ADGRV1: variants seen among roughly 807,000 people sequenced by gnomAD.
ADGRV1 encodes G-protein coupled receptor 98.
In ADGRV1, 359 loss-of-function variants were observed where a neutral mutation model predicts 596.2. That is an observed-to-expected ratio of 0.60 (90% CI 0.55 to 0.66). The LOEUF (loss-of-function observed/expected upper bound fraction) is 0.66. ADGRV1 is among the 30% of genes least tolerant of loss of function. ADGRV1 has a pLI of 0.00. For missense variants in ADGRV1, 7,274 were observed against 7,575.6 expected, an observed-to-expected ratio of 0.96 and a Z score of 1.48; for synonymous variants, 2,681 against 2,679.2, an observed-to-expected ratio of 1.00 and a Z score of -0.02.
chr5:90,948,713 A>C (rs1289605554), intron 83 of ADGRV1, among the ~76,000 whole-genome samples: 1 of 152,152 alleles, frequency 6.6e-6, no homozygotes, highest in East Asian at 1.9e-4. Context: ...TGACACTTAC[A>C]TTAGCCTACA....
At chr5:91,067,960 A>T (rs1225756562) in intron 85 of ADGRV1, among the ~76,000 whole-genome samples, 2 of 152,172 alleles carry the variant, frequency 1.3e-5, no homozygotes, top group Non-Finnish European at 2.9e-5. Context: ...TGTGCCCTTC[A>T]TGTGGAAGAA....
At chr5:90,950,702 T>G (rs751158240) in intron 83 of ADGRV1, among the ~76,000 whole-genome samples, 1 of 152,164 alleles carries the variant, frequency 6.6e-6, no homozygotes, top group Admixed American at 6.5e-5. Flanking sequence ...GAGTCAAAAT[T>G]TTGAGTAACT....
rs563685649 is a variant in ADGRV1 at position 90,750,185 on chromosome 5, A to G, written c.10975-366A>G. Among the ~76,000 whole-genome samples, 3 of 152,336 alleles carry G rather than the reference A, an allele frequency of 2.0e-5. No individual in the cohort carries two copies. In the South Asian group the frequency reaches 6.2e-4, roughly 32 times the overall value. On this transcript the variant is annotated intron_variant, in intron 52 of 89. Coordinates refer to ENST00000405460, the MANE Select transcript of ADGRV1 (RefSeq NM_032119.4). Reference sequence around the variant, plus strand: ...AAGGCTTCCCTACTCTCCTGACTCTATATCCGTTCTCTTCTACAAACTTTT... The same window carrying G: ...AAGGCTTCCCTACTCTCCTGACTCTGTATCCGTTCTCTTCTACAAACTTTT...
intron 53 of ADGRV1, among the ~76,000 whole-genome samples, chr5:90,751,705 A>C (rs1195350426): frequency 6.6e-6 from 1 of 152,168 alleles, no homozygotes; most frequent in African/African-American, 2.4e-5. Context: ...AGTTCTTTTA[A>C]AGGAACTCTC....
intron 1 of ADGRV1, among the ~76,000 whole-genome samples, chr5:90,559,696 T>C (rs1754562934): frequency 6.6e-6 from 1 of 152,140 alleles, no homozygotes; most frequent in Non-Finnish European, 1.5e-5. Flanking sequence ...TACACTCTTT[T>C]AGAAACTGAT....
intron 85 of ADGRV1, among the ~76,000 whole-genome samples, chr5:91,040,624 A>G (rs547663394): frequency 6.6e-6 from 1 of 152,344 alleles, no homozygotes; most frequent in South Asian, 2.1e-4. Context: ...TAGACTGCCA[A>G]CTTTCTAGCT....
Position 90,582,821 on chromosome 5 carries a change from T to C in ADGRV1, c.22+23904T>C, listed in dbSNP as rs1013780419. Among the ~76,000 whole-genome samples the C allele has an allele frequency of 3.3e-5, 5 of 152,198 alleles. No homozygotes were observed. The South Asian group carries it at 8.3e-4, about 25-fold the overall frequency. On this transcript the variant is annotated intron_variant, in intron 1 of 89. Transcript: ENST00000405460. ...TTGTCTTCAAGTGATCCTCCTGCTT[T>C]AGCTTCCCAAGTGGCTGAGATCACA...
At chr5:90,807,843 CA>C in intron 73 of ADGRV1, 106 bp downstream of exon 73, 1 of 1,055,950 alleles carries the variant, frequency 9.5e-7, no homozygotes, top group Non-Finnish European at 1.3e-6. Flanking sequence ...GAAGCAAACA[CA>C]AACATAGTTT....
intron 84 of ADGRV1, among the ~76,000 whole-genome samples, chr5:90,978,428 T>G (rs1181829378): frequency 2.0e-5 from 3 of 152,110 alleles, no homozygotes; most frequent in African/African-American, 7.2e-5. Context: ...CGATTAAAAT[T>G]ATGGAGTCTT....
chr5:91,055,979 GA>G (rs896337597), intron 85 of ADGRV1, among the ~76,000 whole-genome samples: 23 of 152,274 alleles, frequency 1.5e-4, no homozygotes, highest in African/African-American at 4.6e-4. Context: ...TGAACTGTTG[GA>G]AAGCATTTTC....
chr5:91,056,530 T>TTCAG (rs1786880709), intron 85 of ADGRV1, among the ~76,000 whole-genome samples: 1 of 152,118 alleles, frequency 6.6e-6, no homozygotes, highest in South Asian at 2.1e-4. Flanking sequence ...TGAATTTTCT[T>TTCAG]TCAGTCAGCT....
At chr5:90,724,745 A>T (rs949675954) in intron 45 of ADGRV1, 87 bp from the exon 46 acceptor site, 2 of 1,195,108 alleles carry the variant, frequency 1.7e-6, no homozygotes, top group Non-Finnish European at 2.5e-6. Flanking sequence ...TCACAAATGC[A>T]CTTGTCTCAT....
At chr5:90,758,897 C>T (rs1414756941) in intron 57 of ADGRV1, among the ~76,000 whole-genome samples, 5 of 152,070 alleles carry the variant, frequency 3.3e-5, no homozygotes, top group East Asian at 1.9e-4. Context: ...TTTTTGACTA[C>T]GTTGCAAGAA....
chr5:90,960,768 T>C (rs530224935), intron 83 of ADGRV1, among the ~76,000 whole-genome samples: 2 of 152,120 alleles, frequency 1.3e-5, no homozygotes, highest in South Asian at 4.2e-4. Flanking sequence ...AAATTCTAGA[T>C]AAAAGGAAGA....
chr5:90,982,538 A>T (rs1356916458), intron 84 of ADGRV1, among the ~76,000 whole-genome samples: 1 of 152,224 alleles, frequency 6.6e-6, no homozygotes, highest in East Asian at 1.9e-4. Context: ...ACAAACATTG[A>T]AATTGTAAAG....
chr5:90,783,161 G>A lies in ADGRV1; in HGVS notation c.13269G>A (p.Val4423=), dbSNP rs547268875. The change falls in exon 66 of 90, where the codon GTG becomes GTA. Residue 4423 remains valine, a synonymous_variant. Coordinates refer to ENST00000405460, the MANE Select transcript of ADGRV1 (RefSeq NM_032119.4). ...TTGGGCTGATCATGATCCCAGTGGTGAGGCTACATGGAACTTATGGCTATG... is the reference window on the plus strand; with the variant it reads ...TTGGGCTGATCATGATCCCAGTGGTAAGGCTACATGGAACTTATGGCTATG... ...EDVGLIMIPV[V]RLHGTYGYVT... is the part of the protein sequence containing the mutation. 3.1e-6 allele frequency: 5 copies of A among 1,613,618 alleles called. No individual in the cohort carries two copies. Among genetic ancestry groups the A allele is most frequent in the Non-Finnish European group, 4.2e-6 (5 of 1,179,614 alleles).
chr5:90,985,261 G>T, intron 84 of ADGRV1, 83 bp from the exon 85 acceptor site: 1 of 898,812 alleles, frequency 1.1e-6, no homozygotes, highest in South Asian at 3.2e-5. Context: ...TTTGTTGGTC[G>T]GTAACATTGC....
At position 91,153,193 on chromosome 5, in the gene ADGRV1, C is replaced by A. The variant is rs879174132; in HGVS notation, c.18625-28C>A. On this transcript the variant is annotated intron_variant, in intron 88 of 89. Coordinates refer to ENST00000405460, the MANE Select transcript of ADGRV1 (RefSeq NM_032119.4). Reference sequence around the variant, plus strand: ...TGTGTATGCATTCATATTATGGTTTCTTTTTCCCCCCATCCCAATCTAAAA... The same window carrying A: ...TGTGTATGCATTCATATTATGGTTTATTTTTCCCCCCATCCCAATCTAAAA... 2.5e-6 allele frequency: 4 copies of A among 1,574,494 alleles called. No homozygotes were observed. The South Asian group carries it at 3.5e-5, about 14-fold the overall frequency.
chr5:90,898,680 A>G (rs986043877), intron 83 of ADGRV1, among the ~76,000 whole-genome samples: 8 of 152,160 alleles, frequency 5.3e-5, no homozygotes, highest in Non-Finnish European at 1.0e-4. Flanking sequence ...GCGGGGACTC[A>G]CACCTGTAAT....
Sources: allele counts gnomAD v4.1 joint callset (sites outside exome capture counted in the v4.1 genomes callset), GRCh38; gene constraint gnomAD v4.1.1; transcripts MANE v1.5; gene names NCBI Gene and HGNC (gene_info 2026-07-23, HGNC 2026-07-21).